Variants in GRK5 observed in about 807,000 individuals in gnomAD.
GRK5 encodes g protein-coupled receptor kinase GRK5.
GRK5 carries 40 observed loss-of-function variants against 78.4 expected under a neutral mutation model. The ratio of observed to expected loss-of-function variants is 0.51; its 90% CI spans 0.40 to 0.66. The LOEUF is 0.66. GRK5 is among the 30% of genes least tolerant of loss of function. The probability of loss-of-function intolerance (pLI) is 0.00; values close to 1 mark genes in which losing one functional copy is unlikely to be tolerated. For missense variants in GRK5, 598 were observed against 759.9 expected, an observed-to-expected ratio of 0.79 and a Z score of 2.50; for synonymous variants, 289 against 296.8, an observed-to-expected ratio of 0.97 and a Z score of 0.27.
Position 119,452,070 on chromosome 10 carries a change from G to A in GRK5, c.1405-601G>A, listed in dbSNP as rs1409646328. On this transcript the variant is annotated intron_variant, in intron 13 of 15. Coordinates refer to ENST00000392870, the MANE Select transcript of GRK5 (RefSeq NM_005308.3). The surrounding 1 kb of genome is among the most constrained non-coding windows in gnomAD (Gnocchi z 4.4). Reference sequence around the variant, plus strand: ...TGCCCTGGCATAGAGCAGGCCCCCAGTGCACAGCTGAGGGACGAGTAAGGC... The same window carrying A: ...TGCCCTGGCATAGAGCAGGCCCCCAATGCACAGCTGAGGGACGAGTAAGGC... Among the ~76,000 whole-genome samples, 2 of 152,204 alleles carry A rather than the reference G, an allele frequency of 1.3e-5. No individual in the cohort carries two copies. The highest frequency in any genetic ancestry group is 1.3e-4 in the Admixed American group (2 of 15,288).
At chr10:119,260,092 T>C (rs1370526660) in intron 1 of GRK5, among the ~76,000 whole-genome samples, 2 of 152,120 alleles carry the variant, frequency 1.3e-5, no homozygotes, top group East Asian at 3.9e-4. Context: ...CTCTGTCTCC[T>C]GGGTTCATGC....
chr10:119,410,950 C>G (rs1852327048), intron 4 of GRK5, among the ~76,000 whole-genome samples: 2 of 151,078 alleles, frequency 1.3e-5, no homozygotes, highest in African/African-American at 4.9e-5. Context: ...GCAGTCCTTG[C>G]TGACCTTGAA....
At chr10:119,449,289 G>A (rs369695314) in intron 13 of GRK5, among the ~76,000 whole-genome samples, 1 of 152,182 alleles carries the variant, frequency 6.6e-6, no homozygotes, top group African/African-American at 2.4e-5. Flanking sequence ...TACCAGTACC[G>A]CCCTGAGTGG....
rs1353706076 is a variant in GRK5 at position 119,420,329 on chromosome 10, T to A, written c.340-2837T>A. ...TAAATTTCATTTGGAGGAGAAAAGT[T>A]TGCTACTAAAACAAACAAACAAACA... On this transcript the variant is annotated intron_variant, in intron 4 of 15. Coordinates refer to ENST00000392870, the MANE Select transcript of GRK5 (RefSeq NM_005308.3). 4.9e-5 allele frequency among the ~76,000 whole-genome samples: 6 copies of A among 123,376 alleles called. No individual in the cohort carries two copies. The East Asian group carries it at 1.4e-3, about 28-fold the overall frequency. 80.9% of individuals were successfully genotyped at this position (123,376 alleles called of 152,430 possible).
intron 1 of GRK5, among the ~76,000 whole-genome samples, chr10:119,209,925 A>G (rs1564849065): frequency 2.0e-5 from 3 of 152,160 alleles, no homozygotes; most frequent in South Asian, 2.1e-4. Context: ...GGGCAAAGTG[A>G]TATCAATTCC....
chr10:119,305,020 C>G (rs1241386836), intron 1 of GRK5, among the ~76,000 whole-genome samples: 1 of 147,150 alleles, frequency 6.8e-6, no homozygotes, highest in East Asian at 2.2e-4. Flanking sequence ...CTTTCCATCT[C>G]TCCCTGCAGT....
chr10:119,435,806 C>T (rs1280778486), intron 8 of GRK5, among the ~76,000 whole-genome samples: 1 of 152,288 alleles, frequency 6.6e-6, no homozygotes, highest in Non-Finnish European at 1.5e-5. Context: ...CTCTATTAGT[C>T]CGTTTTCACA....
intron 1 of GRK5, among the ~76,000 whole-genome samples, chr10:119,311,333 C>A (rs577217787): frequency 6.6e-6 from 1 of 152,262 alleles, no homozygotes; most frequent in South Asian, 2.1e-4. Context: ...GGAGATGAGA[C>A]AGAGCCTGGC....
intron 2 of GRK5, among the ~76,000 whole-genome samples, chr10:119,368,678 A>T (rs1466381638): frequency 2.6e-5 from 4 of 152,200 alleles, no homozygotes; most frequent in African/African-American, 9.7e-5. Context: ...CCATGCACCG[A>T]TGTGCTTTCT....
intron 9 of GRK5, among the ~76,000 whole-genome samples, chr10:119,438,672 G>T (rs909308461): frequency 3.3e-5 from 5 of 152,196 alleles, no homozygotes; most frequent in Non-Finnish European, 5.9e-5. Context: ...CTCCTCCCTG[G>T]CTGTGACCAC....
chr10:119,324,910 C>T (rs950023738), intron 1 of GRK5, among the ~76,000 whole-genome samples: 1 of 152,234 alleles, frequency 6.6e-6, no homozygotes, highest in Admixed American at 6.5e-5. Flanking sequence ...CGGCAGGTGC[C>T]CAATACGCAT....
chr10:119,278,755 G>A (rs1269882313), intron 1 of GRK5, among the ~76,000 whole-genome samples: 1 of 152,164 alleles, frequency 6.6e-6, no homozygotes, highest in Non-Finnish European at 1.5e-5. Flanking sequence ...CAAGGCCTAG[G>A]TGCCAGCAGG....
chr10:119,456,289 CAA>C lies in GRK5; in HGVS notation c.*1224_*1225del, dbSNP rs1853402082. ...GACCAAGCCACCAAAGGGCTCAAGA[CAA>C]AGTCACTGTTCCTTCCCCAGGAAGG... On this transcript the variant is annotated 3_prime_UTR_variant, in exon 16 of 16. Transcript: ENST00000392870. The surrounding 1 kb of genome is among the most constrained non-coding windows in gnomAD (Gnocchi z 5.5). The C allele has an allele frequency of 6.6e-6, 1 of 152,270 alleles. No homozygotes were observed. Among genetic ancestry groups the C allele is most frequent in the Non-Finnish European group, 1.5e-5 (1 of 68,076 alleles). 9.4% of individuals were successfully genotyped at this position (152,270 alleles called of 1,614,324 possible).
At chr10:119,248,050 G>GT (rs1391902518) in intron 1 of GRK5, among the ~76,000 whole-genome samples, 1 of 152,106 alleles carries the variant, frequency 6.6e-6, no homozygotes, top group Non-Finnish European at 1.5e-5. Flanking sequence ...TTGAGACAGG[G>GT]TCTCAGGCTG....
At chr10:119,209,514 TC>T (rs1564848865) in intron 1 of GRK5, among the ~76,000 whole-genome samples, 1 of 112,124 alleles carries the variant, frequency 8.9e-6, no homozygotes, top group African/African-American at 3.7e-5. Context: ...TTTTTTTTTT[TC>T]CTAACCTGAC....
At chr10:119,324,916 C>A (rs543248972) in intron 1 of GRK5, among the ~76,000 whole-genome samples, 1 of 152,092 alleles carries the variant, frequency 6.6e-6, no homozygotes, top group Non-Finnish European at 1.5e-5. Context: ...GTGCCCAATA[C>A]GCATTCCTTC....
At chr10:119,212,708 A>G (rs1848507767) in intron 1 of GRK5, 1 of 152,230 alleles carries the variant, frequency 6.6e-6, no homozygotes, top group Admixed American at 6.5e-5. Flanking sequence ...ACCAAAAGGC[A>G]TTATTGTCAT....
chr10:119,330,658 C>G (rs996808624), intron 2 of GRK5, among the ~76,000 whole-genome samples: 1 of 152,118 alleles, frequency 6.6e-6, no homozygotes, highest in African/African-American at 2.4e-5. Flanking sequence ...CACAGCTTCT[C>G]ATACTTTGAG....
chr10:119,455,239 C>T lies in GRK5; in HGVS notation c.*172C>T. The T allele has an allele frequency of 2.8e-6, 2 of 708,524 alleles. No homozygotes were observed. The highest frequency in any genetic ancestry group is 2.0e-5 in the Admixed American group (1 of 50,004). The allele number at this position is 708,524 out of a possible 1,614,324, so 43.9% of individuals were successfully genotyped here. ...ACCTCGAGGTTTCTCAAAGAAATTT[C>T]CACTCAGGTCTGTTTTCCGAGGCGG... On this transcript the variant is annotated 3_prime_UTR_variant, in exon 16 of 16. Transcript: ENST00000392870.
Sources: gnomAD v4.1 joint callset for allele counts (sites outside exome capture counted in the v4.1 genomes callset) on GRCh38, gnomAD v4.1.1 for gene constraint, Gnocchi (gnomAD v3.1) non-coding constraint, MANE v1.5 for transcripts, NCBI Gene and HGNC (gene_info 2026-07-23, HGNC 2026-07-21) for gene names.